The following SLC25A13 variants were observed in gnomAD, a reference collection of about 807,000 sequenced individuals.
SLC25A13 encodes electrogenic aspartate/glutamate antiporter SLC25A13, mitochondrial.
A neutral mutation model predicts 85.5 loss-of-function variants in SLC25A13; 70 were observed. That is an observed-to-expected ratio of 0.82 (90% CI 0.68 to 1.00). The LOEUF (loss-of-function observed/expected upper bound fraction) is 1.00. Among genes scored for constraint, SLC25A13 ranks in the 50% least tolerant of loss-of-function variants. The pLI, the probability that SLC25A13 is intolerant of heterozygous loss-of-function variation, is 0.00. For missense variants in SLC25A13, 765 were observed against 819.8 expected (o/e 0.93, Z 0.82); for synonymous variants, 259 against 288.7 (o/e 0.90, Z 1.04).
At chr7:96,241,536 T>C (rs574007193) in intron 3 of SLC25A13, among the ~76,000 whole-genome samples, 2 of 151,456 alleles carry the variant, frequency 1.3e-5, no homozygotes, top group African/African-American at 4.9e-5. Context: ...TAGAAAATTA[T>C]TTGTTTCTTA....
intron 13 of SLC25A13, among the ~76,000 whole-genome samples, chr7:96,153,236 A>G (rs1793118803): frequency 6.6e-6 from 1 of 152,258 alleles, no homozygotes; most frequent in African/African-American, 2.4e-5. Flanking sequence ...GGAGATTTAA[A>G]AAAATCAAAC....
At chr7:96,256,925 A>AC (rs1258459298) in intron 3 of SLC25A13, among the ~76,000 whole-genome samples, 1 of 152,170 alleles carries the variant, frequency 6.6e-6, no homozygotes, top group East Asian at 1.9e-4. Flanking sequence ...TCAAAACCAC[A>AC]CAACTACATG....
intron 3 of SLC25A13, among the ~76,000 whole-genome samples, chr7:96,248,585 C>G (rs1334106226): frequency 6.6e-6 from 1 of 152,176 alleles, no homozygotes; most frequent in African/African-American, 2.4e-5. Context: ...AGGTACCATG[C>G]TCCTACCTCC....
chr7:96,218,984 C>T (rs1372360782), intron 4 of SLC25A13, among the ~76,000 whole-genome samples: 1 of 152,142 alleles, frequency 6.6e-6, no homozygotes, highest in East Asian at 1.9e-4. Flanking sequence ...TTGTTGAATT[C>T]GTACATTAAA....
At chr7:96,312,807 C>T (rs1042255787) in intron 1 of SLC25A13, among the ~76,000 whole-genome samples, 2 of 152,008 alleles carry the variant, frequency 1.3e-5, no homozygotes, top group Non-Finnish European at 2.9e-5. Flanking sequence ...GCAAGGGGAT[C>T]AGTGGGAGCT....
At chr7:96,241,076 AAGAAAGAAAG>A in intron 3 of SLC25A13, among the ~76,000 whole-genome samples, 1 of 150,344 alleles carries the variant, frequency 6.7e-6, no homozygotes, top group East Asian at 2.0e-4. Context: ...GAAAGAAAGA[AAGAAAGAAAG>A]AAAGAAAGAA....
chr7:96,228,131 T>C (rs899052512), intron 4 of SLC25A13, among the ~76,000 whole-genome samples: 5 of 152,342 alleles, frequency 3.3e-5, no homozygotes, highest in Admixed American at 3.3e-4. Flanking sequence ...CCCAAAGTGC[T>C]GGGATTACAG....
At chr7:96,267,292 A>G (rs1798071016) in intron 3 of SLC25A13, among the ~76,000 whole-genome samples, 1 of 152,226 alleles carries the variant, frequency 6.6e-6, no homozygotes, top group South Asian at 2.1e-4. Context: ...TATCATCAAC[A>G]TTATTATATC....
intron 3 of SLC25A13, among the ~76,000 whole-genome samples, chr7:96,265,593 T>G (rs1376130839): frequency 6.6e-6 from 1 of 152,214 alleles, no homozygotes; most frequent in Non-Finnish European, 1.5e-5. Flanking sequence ...TAATCTTGTG[T>G]AATCAAGAGC....
At chr7:96,297,056 T>C in intron 1 of SLC25A13, 105 bp from the exon 2 acceptor site, 5 of 1,041,684 alleles carry the variant, frequency 4.8e-6, no homozygotes, top group Non-Finnish European at 7.5e-6. Context: ...GTGCATTTCA[T>C]TTTTGTACTT....
At chr7:96,243,115 G>A (rs560998591) in intron 3 of SLC25A13, among the ~76,000 whole-genome samples, 10 of 152,204 alleles carry the variant, frequency 6.6e-5, no homozygotes, top group Non-Finnish European at 1.5e-4. Flanking sequence ...ACAGGCGTGC[G>A]CCACCATCCC....
chr7:96,154,644 A>G (rs753667315), intron 13 of SLC25A13, among the ~76,000 whole-genome samples: 1 of 152,066 alleles, frequency 6.6e-6, no homozygotes, highest in African/African-American at 2.4e-5. Context: ...CACACAGTCA[A>G]TGGTAGAGTG....
chr7:96,131,592 CT>C (rs1050570405), intron 15 of SLC25A13, 150 bp downstream of exon 15: 37 of 959,806 alleles, frequency 3.9e-5, no homozygotes, highest in Non-Finnish European at 4.9e-5. Flanking sequence ...AATTTTTTCC[CT>C]TTTTTTTCAG....
chr7:96,144,830 T>C (rs1792712333), intron 14 of SLC25A13, among the ~76,000 whole-genome samples: 1 of 152,206 alleles, frequency 6.6e-6, no homozygotes, highest in African/African-American at 2.4e-5. Flanking sequence ...TCTGTTTCTG[T>C]ATCAGCAAAC....
Position 96,121,918 on chromosome 7 carries a change from G to C in SLC25A13, c.1671C>G (p.Thr557=). Residue 557 remains threonine (T), a synonymous_variant, in exon 16 of 18, where the codon ACC becomes ACG. Transcript: ENST00000265631. ...AGCAGTCTATCACTCCGCTGTAAGT[G>C]GTTTGGCCAGCCCGGGCAGCCACCT... The part of the protein sequence containing the change: ...RLQVAARAGQ[T]TYSGVIDCFR... 1 of 1,614,078 alleles carries C rather than the reference G, an allele frequency of 6.2e-7. No homozygotes were observed. The highest frequency in any genetic ancestry group is 8.5e-7 in the Non-Finnish European group (1 of 1,180,018).
intron 5 of SLC25A13, among the ~76,000 whole-genome samples, chr7:96,194,124 T>C (rs576235707): frequency 6.6e-6 from 1 of 152,196 alleles, no homozygotes; most frequent in African/African-American, 2.4e-5. Flanking sequence ...CAGTGACAGC[T>C]AACTTCTATG....
intron 9 of SLC25A13, among the ~76,000 whole-genome samples, chr7:96,187,088 C>A (rs189174753): frequency 2.2e-4 from 33 of 152,164 alleles, no homozygotes; most frequent in African/African-American, 7.7e-4. Flanking sequence ...GTTTTTGATG[C>A]CAGAACATTT....
In SLC25A13 at chr7:96,296,132, A is replaced by T. The variant is rs569241160; in HGVS notation, c.69+766T>A. On this transcript the variant is annotated intron_variant, in intron 2 of 17. Transcript: ENST00000265631. ...TAGTATCTAGTATTATCCATACTGG[A>T]GCCTCCTCTCAGGATACCGCAGTCA... Among the ~76,000 whole-genome samples the T allele has an allele frequency of 1.1e-4, 16 of 151,944 alleles. No homozygotes were observed. The East Asian group carries it at 1.7e-3, about 17-fold the overall frequency.
At chr7:96,274,920 T>G (rs1798387169) in intron 3 of SLC25A13, among the ~76,000 whole-genome samples, 1 of 152,202 alleles carries the variant, frequency 6.6e-6, no homozygotes, top group Non-Finnish European at 1.5e-5. Context: ...AGCCTTGTAG[T>G]ATAGTTTGAA....
Sources: gnomAD v4.1 joint callset for allele counts (sites outside exome capture counted in the v4.1 genomes callset) on GRCh38, gnomAD v4.1.1 for gene constraint, MANE v1.5 for transcripts, NCBI Gene and HGNC (gene_info 2026-07-23, HGNC 2026-07-21) for gene names.